Variants in LRRC74B observed in about 807,000 individuals in gnomAD.
The protein encoded by LRRC74B is leucine-rich repeat-containing protein 74B.
Under a neutral mutation model 16.6 loss-of-function variants are expected in LRRC74B, and 30 were observed. That is an observed-to-expected ratio of 1.80 (90% CI 1.35 to 2.45). LRRC74B has a LOEUF of 2.45. LRRC74B is among the 30% of genes most tolerant of loss of function. LRRC74B has a pLI of 0.00. For missense variants in LRRC74B, 326 were observed against 202.4 expected, an observed-to-expected ratio of 1.61 and a Z score of -3.71; for synonymous variants, 134 against 86.0, an observed-to-expected ratio of 1.56 and a Z score of -3.09.
intron 7 of LRRC74B, among the ~76,000 whole-genome samples, chr22:21,055,626 G>A (rs957413755): frequency 6.6e-6 from 1 of 152,192 alleles, no homozygotes; most frequent in Non-Finnish European, 1.5e-5. Flanking sequence ...GACAGACACA[G>A]GAGGGAGGCA....
At chr22:21,049,876 T>G (rs1401850433) in intron 4 of LRRC74B, among the ~76,000 whole-genome samples, 1 of 152,042 alleles carries the variant, frequency 6.6e-6, no homozygotes, top group Non-Finnish European at 1.5e-5. Context: ...TGCCAGGAAT[T>G]TGCACTTCTA....
At chr22:21,051,778 T>G (rs868868587) in intron 4 of LRRC74B, among the ~76,000 whole-genome samples, 36 of 152,212 alleles carry the variant, frequency 2.4e-4, no homozygotes, top group Non-Finnish European at 5.0e-4. Flanking sequence ...GGCTTCCCCC[T>G]CCCCAGGCCC....
chr22:21,047,544 C>G, intron 2 of LRRC74B, 46 bp downstream of exon 2: 1 of 709,564 alleles, frequency 1.4e-6, no homozygotes, highest in South Asian at 1.5e-5. Flanking sequence ...GGAGAGGCCT[C>G]GGGAGACAGC....
chr22:21,048,884 G>C (rs1213407991), intron 3 of LRRC74B, 67 bp from the exon 4 acceptor site: 1 of 693,516 alleles, frequency 1.4e-6, no homozygotes, highest in Non-Finnish European at 2.7e-6. Flanking sequence ...GAGGTTTGGG[G>C]GATGGCAGAA....
chr22:21,060,022 C>T (rs1601824686), intron 8 of LRRC74B, among the ~76,000 whole-genome samples: 5 of 151,908 alleles, frequency 3.3e-5, no homozygotes, highest in South Asian at 4.2e-4. Context: ...ACAGCATAGC[C>T]GGGCATGGTG....
intron 4 of LRRC74B, 134 bp from the exon 5 acceptor site, chr22:21,052,115 C>G: frequency 1.5e-6 from 1 of 646,012 alleles, no homozygotes; most frequent in Non-Finnish European, 2.9e-6. Context: ...TCCTTAAGGG[C>G]ACCGCAGGCC....
chr22:21,056,210 T>C, intron 7 of LRRC74B, among the ~76,000 whole-genome samples: 1 of 152,206 alleles, frequency 6.6e-6, no homozygotes, highest in East Asian at 1.9e-4. Flanking sequence ...GAGTGCATCA[T>C]GTCATGCGGA....
chr22:21,052,189 T>G (rs372246040), intron 4 of LRRC74B, 60 bp from the exon 5 acceptor site: 43 of 713,786 alleles, frequency 6.0e-5, no homozygotes, highest in African/African-American at 5.8e-4. Context: ...TGGGCATCAG[T>G]GTGATCTTTT....
intron 4 of LRRC74B, chr22:21,049,510 A>G (rs387362): frequency 3.6e-4 from 77 of 211,546 alleles, no homozygotes; most frequent in South Asian, 9.9e-4. Context: ...AGAGAAGAAC[A>G]GGGACCCCCT....
At position 21,055,080 on chromosome 22, in the gene LRRC74B, C is replaced by T. The variant is rs1377672767; in HGVS notation, c.849-18C>T. ...TTGGAAGGTTGCACAATGCATGTGC[C>T]TGTTGTTTTTGTTGCAGTAACAACC... On this transcript the variant is annotated intron_variant, in intron 6 of 8. Transcript: ENST00000442047. The T allele has an allele frequency of 2.8e-6, 2 of 716,568 alleles. No homozygotes were observed. The highest frequency in any genetic ancestry group is 5.2e-6 in the Non-Finnish European group (2 of 384,996). 44.4% of individuals were successfully genotyped at this position (716,568 alleles called of 1,614,324 possible). A position where few individuals can be genotyped will look rare whatever the true frequency, so the allele number is the denominator to read the frequency against.
At chr22:21,046,173 C>T (rs2148128335) in intron 1 of LRRC74B, 48 bp downstream of exon 1, 2 of 712,212 alleles carry the variant, frequency 2.8e-6, no homozygotes, top group South Asian at 1.5e-5. Context: ...TGGGGGTCTT[C>T]TCCCGCAGGG....
chr22:21,059,563 A>G (rs1930712971), intron 8 of LRRC74B, among the ~76,000 whole-genome samples: 1 of 152,218 alleles, frequency 6.6e-6, no homozygotes, highest in Non-Finnish European at 1.5e-5. Context: ...TCTACCTCAA[A>G]AAAACCCAAA....
At chr22:21,046,016 G>A (rs750058486) in exon 1 of LRRC74B, 20 of 717,400 alleles carry the variant, frequency 2.8e-5, no homozygotes, top group Admixed American at 1.0e-4. Context: ...GGTCTGGGGA[G>A]GATGAAGAGC....
At chr22:21,055,252 G>A (rs1359739658) in intron 7 of LRRC74B, 76 bp downstream of exon 7, 10 of 675,850 alleles carry the variant, frequency 1.5e-5, no homozygotes, top group Admixed American at 1.2e-4. Flanking sequence ...CTCCCCCACA[G>A]CCCCCACCCA....
At chr22:21,046,077 G>C in exon 1 of LRRC74B, 2 of 717,426 alleles carry the variant, frequency 2.8e-6, no homozygotes, top group Middle Eastern at 2.3e-4. Flanking sequence ...GGTCCCCGAG[G>C]CCGAGCAGGG....
At chr22:21,051,490 C>T (rs773399615) in intron 4 of LRRC74B, among the ~76,000 whole-genome samples, 1 of 152,084 alleles carries the variant, frequency 6.6e-6, no homozygotes. Flanking sequence ...CTCTACCACC[C>T]CCATCTCCTC....
chr22:21,048,050 T>TGA (rs1929635361), intron 3 of LRRC74B, 34 bp downstream of exon 3: 2 of 716,284 alleles, frequency 2.8e-6, no homozygotes, highest in Non-Finnish European at 5.2e-6. Context: ...TGGGCAGGCG[T>TGA]GTCCTCCTTT....
At chr22:21,061,101 G>C (rs10222244), downstream of LRRC74B, among the ~76,000 whole-genome samples, 1,008 of 152,296 alleles carry the variant, frequency 6.6e-3, 12 homozygotes, top group African/African-American at 0.022. Context: ...GCCTAGGTGG[G>C]TGGATCCCTT....
intron 2 of LRRC74B, 44 bp downstream of exon 2, chr22:21,047,542 C>T: frequency 5.6e-6 from 4 of 711,286 alleles, no homozygotes; most frequent in Non-Finnish European, 1.0e-5. Flanking sequence ...GGGGAGAGGC[C>T]TCGGGAGACA....
Sources: allele counts gnomAD v4.1 joint callset (sites outside exome capture counted in the v4.1 genomes callset), GRCh38; gene constraint gnomAD v4.1.1; transcripts MANE v1.5; gene names NCBI Gene and HGNC (gene_info 2026-07-23, HGNC 2026-07-21).